The following INO80D variants were observed in gnomAD, a reference collection of about 807,000 sequenced individuals.
The protein encoded by INO80D is INO80 complex subunit D.
INO80D carries 21 observed loss-of-function variants against 87.6 expected under a neutral mutation model. That is an observed-to-expected ratio of 0.24 (90% CI 0.17 to 0.35). The LOEUF (loss-of-function observed/expected upper bound fraction) is 0.35. Ranked by LOEUF, INO80D falls within the 10% of genes least tolerant of loss-of-function variation. The pLI is 1.00. For synonymous variants in INO80D, 440 were observed against 491.0 expected, an observed-to-expected ratio of 0.90 and a Z score of 1.37; for missense variants, 982 against 1,280.7, an observed-to-expected ratio of 0.77 and a Z score of 3.56.
In INO80D at chr2:205,995,012, T is replaced by G. The variant is rs1258526940; in HGVS notation, c.*9356A>C. Reference sequence around the variant, plus strand: ...ATTTTGAACAAGGCAAAATAACAATTAGGTGATATATTTCCCTGCAGCATG... The same window carrying G: ...ATTTTGAACAAGGCAAAATAACAATGAGGTGATATATTTCCCTGCAGCATG... On this transcript the variant is annotated 3_prime_UTR_variant, in exon 11 of 11. Transcript: ENST00000403263. 1 of 152,076 alleles carries G rather than the reference T, an allele frequency of 6.6e-6. No homozygotes were observed. Among genetic ancestry groups the G allele is most frequent in the Non-Finnish European group, 1.5e-5 (1 of 68,004 alleles). The allele number at this position is 152,076 out of a possible 1,614,324, so 9.4% of individuals were successfully genotyped here. A position where few individuals can be genotyped will look rare whatever the true frequency, so the allele number is the denominator to read the frequency against.
rs1195750122 is a variant in INO80D, at chr2:206,085,226, C to T, written c.-124+675G>A. 2.0e-5 allele frequency among the ~76,000 whole-genome samples: 3 copies of T among 152,098 alleles called. No homozygotes were observed. Among genetic ancestry groups the T allele is most frequent in the Non-Finnish European group, 4.4e-5 (3 of 67,976 alleles). ...ACCTGACTCCTCACCGCCCCTCCAC[C>T]CGACCCCACGCCCGCCAGGCCGCCC... On this transcript the variant is annotated intron_variant, in intron 1 of 10. Transcript: ENST00000403263. This position sits in a 1 kb window ranked among gnomAD's most constrained non-coding sequence, Gnocchi z 4.5.
intron 4 of INO80D, among the ~76,000 whole-genome samples, chr2:206,050,838 G>A (rs985929913): frequency 6.6e-6 from 1 of 150,894 alleles, no homozygotes; most frequent in African/African-American, 2.4e-5. Context: ...GCGTGGTCGC[G>A]GGCGCCTGTA....
rs1690402880 is a variant in INO80D, at chr2:206,085,086, AG to A, written c.-124+814del. On this transcript the variant is annotated intron_variant, in intron 1 of 10. Transcript: ENST00000403263. This position sits in a 1 kb window ranked among gnomAD's most constrained non-coding sequence, Gnocchi z 4.5. ...AGGAACTGGCAAAGAGTTTCAAAAT[AG>A]CCGAGTGCGCTCCCCCACGCCCTGG... Among the ~76,000 whole-genome samples the A allele has an allele frequency of 6.6e-6, 1 of 151,946 alleles. No individual in the cohort carries two copies. Among genetic ancestry groups the A allele is most frequent in the Non-Finnish European group, 1.5e-5 (1 of 67,964 alleles).
intron 5 of INO80D, among the ~76,000 whole-genome samples, chr2:206,028,717 T>C (rs1688682826): frequency 6.6e-6 from 1 of 152,132 alleles, no homozygotes; most frequent in Admixed American, 6.6e-5. Flanking sequence ...ATAGCATAAT[T>C]TCATAAAAGA....
chr2:206,048,320 A>C (rs1689254792), intron 4 of INO80D, among the ~76,000 whole-genome samples: 1 of 151,810 alleles, frequency 6.6e-6, no homozygotes, highest in Non-Finnish European at 1.5e-5. Context: ...TACAGCCTTG[A>C]CCTCCCGGGC....
chr2:206,044,152 C>T (rs910245017), intron 5 of INO80D, among the ~76,000 whole-genome samples: 8 of 152,124 alleles, frequency 5.3e-5, no homozygotes, highest in Non-Finnish European at 8.8e-5. Flanking sequence ...GTGATCATGC[C>T]ACTGCACTCT....
chr2:206,020,858 T>A lies in INO80D; in HGVS notation c.1299-1013A>T, dbSNP rs140811374. Among the ~76,000 whole-genome samples the A allele has an allele frequency of 2.0e-5, 3 of 152,022 alleles. No homozygotes were observed. The East Asian group carries it at 5.8e-4, about 29-fold the overall frequency. Reference sequence around the variant, plus strand: ...ATATAAAAACACAAATAAATAACATTTAAATTCTTAGAAGTGGGCCAGGTG... The same window carrying A: ...ATATAAAAACACAAATAAATAACATATAAATTCTTAGAAGTGGGCCAGGTG... On this transcript the variant is annotated intron_variant, in intron 6 of 10. Transcript: ENST00000403263.
intron 1 of INO80D, among the ~76,000 whole-genome samples, chr2:206,075,754 T>C (rs1419863389): frequency 6.6e-6 from 1 of 151,362 alleles, no homozygotes; most frequent in Non-Finnish European, 1.5e-5. Flanking sequence ...TTATAATTTT[T>C]TTAAAACTAG....
chr2:206,080,781 T>C (rs535571455), intron 1 of INO80D, among the ~76,000 whole-genome samples: 68 of 151,460 alleles, frequency 4.5e-4, no homozygotes, highest in African/African-American at 1.6e-3. Context: ...CGGGCGCCTG[T>C]AGTCCCAGCT....
chr2:206,066,759 C>A (rs1192590093), intron 1 of INO80D, among the ~76,000 whole-genome samples: 1 of 149,132 alleles, frequency 6.7e-6, no homozygotes, highest in African/African-American at 2.5e-5. Context: ...GAGCCGAGAT[C>A]GCACTACTGC....
At chr2:206,071,134 T>A (rs1440459842) in intron 1 of INO80D, among the ~76,000 whole-genome samples, 1 of 151,604 alleles carries the variant, frequency 6.6e-6, no homozygotes, top group Admixed American at 6.6e-5. Flanking sequence ...AATTTTAGTA[T>A]TTTTAGTAGA....
In INO80D at chr2:206,031,944, CAGG is replaced by C. The variant is rs367726522; in HGVS notation, c.1074-3612_1074-3610del. On this transcript the variant is annotated intron_variant, in intron 5 of 10. Transcript: ENST00000403263. ...CTGGGGAAACTGAAGGTCTAGTTTG[CAGG>C]AGAAGTTTCCGACCTTACCTGGAGC... 3.2e-4 allele frequency among the ~76,000 whole-genome samples: 49 copies of C among 152,266 alleles called. No individual in the cohort carries two copies. The East Asian group carries it at 7.7e-3, about 24-fold the overall frequency.
chr2:206,045,348 T>C (rs180945955), intron 5 of INO80D, among the ~76,000 whole-genome samples: 2 of 152,298 alleles, frequency 1.3e-5, no homozygotes, highest in African/African-American at 4.8e-5. Context: ...ACATTTTTAA[T>C]CCTATAAACT....
rs1347800538 is a variant in INO80D at position 206,001,775 on chromosome 2, T to C, written c.*2593A>G. Reference sequence around the variant, plus strand: ...AACTAGATAAAATAAGAGGAAAAGTTTGTTGTTGATAATTCCTCAACCACT... The same window carrying C: ...AACTAGATAAAATAAGAGGAAAAGTCTGTTGTTGATAATTCCTCAACCACT... On this transcript the variant is annotated 3_prime_UTR_variant, in exon 11 of 11. Transcript: ENST00000403263. 1 of 152,232 alleles carries C rather than the reference T, an allele frequency of 6.6e-6. No homozygotes were observed. Among genetic ancestry groups the C allele is most frequent in the African/African-American group, 2.4e-5 (1 of 41,460 alleles). The allele number at this position is 152,232 out of a possible 1,614,324, so 9.4% of individuals were successfully genotyped here.
rs764434368 is a variant in INO80D, at chr2:206,028,262, T to C, written c.1147A>G (p.Lys383Glu). ...GCCCGCTCCAGGCGGCAGAGGTGCTTATATTTCTGCTGAAAGTAAGTGCAA... is the reference window on the plus strand; with the variant it reads ...GCCCGCTCCAGGCGGCAGAGGTGCTCATATTTCTGCTGAAAGTAAGTGCAA... The part of the protein sequence containing the change: ...QLCTYFQQKY[K>E]HLCRLERAES... Residue 383 changes from lysine to glutamate, a missense_variant, in exon 6 of 11, where the codon AAG becomes GAG. Transcript: ENST00000403263. 3 of 1,613,060 alleles carry C rather than the reference T, an allele frequency of 1.9e-6. No homozygotes were observed. Among genetic ancestry groups the C allele is most frequent in the Non-Finnish European group, 2.5e-6 (3 of 1,179,054 alleles).
At chr2:206,006,419 G>A (rs1198621220) in intron 10 of INO80D, among the ~76,000 whole-genome samples, 2 of 152,182 alleles carry the variant, frequency 1.3e-5, no homozygotes, top group Non-Finnish European at 2.9e-5. Flanking sequence ...GCGGTGGCTC[G>A]TGCTTGTAAT....
chr2:206,071,257 CTTTTTTTTTTTTTTTTTTTTTTTT>C (rs60979396), intron 1 of INO80D, among the ~76,000 whole-genome samples: 1 of 81,978 alleles, frequency 1.2e-5, no homozygotes, highest in Non-Finnish European at 2.3e-5. Flanking sequence ...CACGCCCGGC[CTTTTTTTTTTTTTTTTTTTTTTTT>C]TTTTTTTTTT....
At chr2:206,025,888 A>C (rs1688602765) in intron 6 of INO80D, among the ~76,000 whole-genome samples, 1 of 151,882 alleles carries the variant, frequency 6.6e-6, no homozygotes, top group Non-Finnish European at 1.5e-5. Context: ...TCCTTAAAGT[A>C]AGATAATGTT....
chr2:206,043,114 G>A (rs915490541), intron 5 of INO80D, among the ~76,000 whole-genome samples: 4 of 152,176 alleles, frequency 2.6e-5, no homozygotes, highest in African/African-American at 4.8e-5. Flanking sequence ...GAGGCATTTG[G>A]CATGGCAACA....
Sources: gnomAD v4.1 joint callset for allele counts (sites outside exome capture counted in the v4.1 genomes callset) on GRCh38, gnomAD v4.1.1 for gene constraint, Gnocchi (gnomAD v3.1) non-coding constraint, MANE v1.5 for transcripts, NCBI Gene and HGNC (gene_info 2026-07-23, HGNC 2026-07-21) for gene names.